Variants in PPCDC observed in about 807,000 individuals in gnomAD.
PPCDC encodes phosphopantothenoylcysteine decarboxylase.
PPCDC carries 20 observed loss-of-function variants against 20.7 expected under a neutral mutation model. The ratio of observed to expected loss-of-function variants is 0.97; its 90% CI spans 0.68 to 1.41. The LOEUF (loss-of-function observed/expected upper bound fraction) is 1.41. Among genes scored for constraint, PPCDC ranks in the 40% most tolerant of loss-of-function variants. The pLI is 0.00. For missense variants in PPCDC, 246 were observed against 263.8 expected (o/e 0.93, Z 0.47); for synonymous variants, 88 against 100.3 (o/e 0.88, Z 0.73).
intron 4 of PPCDC, among the ~76,000 whole-genome samples, chr15:75,045,639 T>A (rs1327195829): frequency 6.6e-6 from 1 of 152,148 alleles, no homozygotes; most frequent in Non-Finnish European, 1.5e-5. Flanking sequence ...TGCCAGTGAT[T>A]TAAGCATCAT....
intron 2 of PPCDC, among the ~76,000 whole-genome samples, chr15:75,034,347 A>G (rs1187654022): frequency 6.6e-6 from 1 of 151,902 alleles, no homozygotes; most frequent in Admixed American, 6.6e-5. Context: ...GGTTACCTGT[A>G]CCCCACCTAT....
chr15:75,043,419 AC>A, intron 2 of PPCDC, 21 bp from the exon 3 acceptor site: 1 of 1,577,680 alleles, frequency 6.3e-7, no homozygotes, highest in Admixed American at 1.7e-5. Context: ...CCTCCCCGCC[AC>A]CCCCTTCTTC....
intron 1 of PPCDC, among the ~76,000 whole-genome samples, chr15:75,024,336 G>T (rs933429270): frequency 6.6e-6 from 1 of 152,052 alleles, no homozygotes; most frequent in African/African-American, 2.4e-5. Context: ...CTCAGTATCC[G>T]CAGGGGATTG....
intron 2 of PPCDC, among the ~76,000 whole-genome samples, chr15:75,030,869 G>A (rs935624965): frequency 2.6e-5 from 4 of 152,130 alleles, no homozygotes; most frequent in African/African-American, 9.7e-5. Context: ...CAGACATCCC[G>A]GGAAAGCCGC....
At chr15:75,044,647 C>T in intron 4 of PPCDC, 133 bp downstream of exon 4, 1 of 1,210,152 alleles carries the variant, frequency 8.3e-7, no homozygotes, top group Non-Finnish European at 1.1e-6. Flanking sequence ...CTCCGCCATT[C>T]CCCACATCGC....
intron 2 of PPCDC, 48 bp downstream of exon 2, chr15:75,028,501 C>T (rs370138823): frequency 3.5e-5 from 57 of 1,609,512 alleles, no homozygotes; most frequent in East Asian, 2.0e-4. Flanking sequence ...CATGGGAGGC[C>T]GGTGCTCCCG....
chr15:75,041,049 G>C (rs1278302822), intron 2 of PPCDC, among the ~76,000 whole-genome samples: 1 of 152,116 alleles, frequency 6.6e-6, no homozygotes, highest in East Asian at 1.9e-4. Flanking sequence ...ATTTCCTTCT[G>C]TGGGTTTGAA....
At chr15:75,035,692 C>T (rs559752243) in intron 2 of PPCDC, among the ~76,000 whole-genome samples, 10 of 152,280 alleles carry the variant, frequency 6.6e-5, no homozygotes, top group South Asian at 4.1e-4. Context: ...GTAGGCTGAG[C>T]GTGGTGGTTC....
At chr15:75,048,469 GC>G in intron 4 of PPCDC, 83 bp from the exon 5 acceptor site, 1 of 1,535,718 alleles carries the variant, frequency 6.5e-7, no homozygotes, top group Non-Finnish European at 8.8e-7. Context: ...CTACAGCTGG[GC>G]TGCTGGCTGC....
At chr15:75,032,486 G>A (rs1422856803) in intron 2 of PPCDC, among the ~76,000 whole-genome samples, 1 of 152,214 alleles carries the variant, frequency 6.6e-6, no homozygotes, top group Non-Finnish European at 1.5e-5. Context: ...ACTCTGTGGG[G>A]TGTATTTACA....
chr15:75,025,945 C>T (rs1199818104), intron 1 of PPCDC, among the ~76,000 whole-genome samples: 2 of 152,206 alleles, frequency 1.3e-5, no homozygotes, highest in Non-Finnish European at 2.9e-5. Flanking sequence ...CATACACACA[C>T]ACACCCTCTT....
Position 75,029,467 on chromosome 15 carries a change from G to A in PPCDC, c.135+1014G>A, listed in dbSNP as rs139630436. 1.2e-4 allele frequency among the ~76,000 whole-genome samples: 18 copies of A among 152,236 alleles called. No homozygotes were observed. The East Asian group carries it at 3.3e-3, about 28-fold the overall frequency. On this transcript the variant is annotated intron_variant, in intron 2 of 5. Coordinates refer to ENST00000342932, the MANE Select transcript of PPCDC (RefSeq NM_021823.5). ...GTATCTGGCATGTCCAGCAGGGGGC[G>A]GTGCTTACTCACAGATGACCACGTG...
intron 2 of PPCDC, among the ~76,000 whole-genome samples, chr15:75,042,810 T>C (rs2066169144): frequency 6.6e-6 from 1 of 152,226 alleles, no homozygotes. Context: ...GAATGGGTAG[T>C]GTACACCAGG....
intron 2 of PPCDC, among the ~76,000 whole-genome samples, chr15:75,033,151 A>T (rs2066043810): frequency 6.6e-6 from 1 of 152,180 alleles, no homozygotes; most frequent in Admixed American, 6.5e-5. Flanking sequence ...ATAGTATTTT[A>T]TGACTCGGAA....
chr15:75,037,104 G>C (rs1020452471), intron 2 of PPCDC, among the ~76,000 whole-genome samples: 1 of 152,204 alleles, frequency 6.6e-6, no homozygotes, highest in African/African-American at 2.4e-5. Flanking sequence ...TTTCAGAATA[G>C]AGGCGATGAA....
intron 4 of PPCDC, 104 bp downstream of exon 4, chr15:75,044,618 T>G: frequency 2.7e-6 from 4 of 1,458,300 alleles, no homozygotes; most frequent in Non-Finnish European, 3.7e-6. Context: ...GGGGCCCCGG[T>G]CTGCCCAGGG....
chr15:75,044,433 G>C lies in PPCDC; in HGVS notation c.279G>C (p.Arg93Ser). Reference sequence around the variant, plus strand: ...CAGTTCTGCACATTGACCTGCGGAGGTGGGCAGACCTCCTGCTGGTGGCTC... The same window carrying C: ...CAGTTCTGCACATTGACCTGCGGAGCTGGGCAGACCTCCTGCTGGTGGCTC... ...SDPVLHIDLR[R>S]WADLLLVAPL... is the part of the protein sequence containing the mutation. Residue 93 changes from arginine to serine, a missense_variant, in exon 4 of 6, where the codon AGG (arginine) becomes AGC (serine). Arg to Ser is a moderately radical substitution (Grantham distance 110). Around this residue, in one of 2 missense-constraint regions of PPCDC, gnomAD observed 225 missense variants for 222.6 expected, o/e 1.01. Coordinates refer to ENST00000342932, the MANE Select transcript of PPCDC (RefSeq NM_021823.5). 1 of 1,614,170 alleles carries C rather than the reference G, an allele frequency of 6.2e-7. No homozygotes were observed.
At chr15:75,047,878 C>G (rs1333092959) in intron 4 of PPCDC, among the ~76,000 whole-genome samples, 1 of 152,214 alleles carries the variant, frequency 6.6e-6, no homozygotes, top group Non-Finnish European at 1.5e-5. Flanking sequence ...ACTCTGTGAG[C>G]TGGATGGCTC....
At chr15:75,026,502 C>T (rs914270695) in intron 1 of PPCDC, among the ~76,000 whole-genome samples, 2 of 152,216 alleles carry the variant, frequency 1.3e-5, no homozygotes, top group African/African-American at 4.8e-5. Flanking sequence ...CTGTGCTTAA[C>T]CCCTGCTGAG....
Sources: gnomAD v4.1 joint callset for allele counts (sites outside exome capture counted in the v4.1 genomes callset) on GRCh38, gnomAD v4.1.1 for gene constraint, gnomAD v4.1.1 regional missense constraint, MANE v1.5 for transcripts, NCBI Gene and HGNC (gene_info 2026-07-23, HGNC 2026-07-21) for gene names.